The following TSEN15 variants were observed in gnomAD, a reference collection of about 807,000 sequenced individuals.
TSEN15 encodes tRNA-splicing endonuclease subunit Sen15.
A neutral mutation model predicts 20.5 loss-of-function variants in TSEN15; 10 were observed. The observed-to-expected ratio is 0.49, with a 90% CI of 0.30 to 0.83. TSEN15 has a LOEUF of 0.83. Ranked by LOEUF, TSEN15 falls within the 40% of genes least tolerant of loss-of-function variation. The pLI, the probability that TSEN15 is intolerant of heterozygous loss-of-function variation, is 0.06. For missense variants in TSEN15, 180 were observed against 218.6 expected (o/e 0.82, Z 1.11); for synonymous variants, 72 against 80.1 (o/e 0.90, Z 0.54).
At chr1:184,089,595 C>T (rs1322300292) in intron 3 of TSEN15, among the ~76,000 whole-genome samples, 1 of 151,930 alleles carries the variant, frequency 6.6e-6, no homozygotes, top group Non-Finnish European at 1.5e-5. Context: ...GGTGACTCCT[C>T]TAATAAGTGC....
chr1:184,080,349 G>A (rs1203802836), intron 3 of TSEN15, among the ~76,000 whole-genome samples: 2 of 152,164 alleles, frequency 1.3e-5, no homozygotes, highest in Non-Finnish European at 2.9e-5. Context: ...AATAGCTCCA[G>A]GTAGTAGCAA....
intron 3 of TSEN15, among the ~76,000 whole-genome samples, chr1:184,062,113 T>G (rs1334527996): frequency 1.3e-5 from 2 of 152,284 alleles, no homozygotes; most frequent in East Asian, 3.9e-4. Context: ...GATTATCTAG[T>G]GGGAAAATTT....
chr1:184,089,743 C>T (rs1371659332), intron 3 of TSEN15, among the ~76,000 whole-genome samples: 1 of 150,740 alleles, frequency 6.6e-6, no homozygotes, highest in Admixed American at 6.6e-5. Flanking sequence ...AAATCAAATG[C>T]AAGAAGGAAG....
rs756020600 is a variant in TSEN15 at position 184,054,801 on chromosome 1, A to G, written c.291A>G (p.Ile97Met). 1 of 1,612,266 alleles carries G rather than the reference A, an allele frequency of 6.2e-7. No homozygotes were observed. The highest frequency in any genetic ancestry group is 1.7e-5 in the Admixed American group (1 of 59,866). ...LQLICLVGTE[I>M]EGEGLQTVVP... is the part of the protein sequence containing the mutation. Reference sequence around the variant, plus strand: ...TCATCTGCCTTGTTGGTACTGAGATAGAAGGGGAGGGGTTACAGACTGTGG... The same window carrying G: ...TCATCTGCCTTGTTGGTACTGAGATGGAAGGGGAGGGGTTACAGACTGTGG... The change falls in exon 3 of 5, where the codon ATA (isoleucine) becomes ATG (methionine). Residue 97 changes from isoleucine (I) to methionine (M), a missense_variant. Ile to Met is a conservative substitution (Grantham distance 10). This residue lies in a region of TSEN15 where 76 missense variants were observed against 123.4 expected (regional missense o/e 0.62). Transcript: ENST00000645668.
chr1:184,055,803 ATAATG>A (rs58919762), intron 3 of TSEN15, among the ~76,000 whole-genome samples: 3,566 of 152,198 alleles, frequency 0.023, 132 homozygotes, highest in African/African-American at 0.081. Flanking sequence ...GTTATTTTTA[ATAATG>A]TAATAAGTAT....
rs149246500 is a variant in TSEN15 at position 184,057,268 on chromosome 1, G to A, written c.353+2405G>A. ...AGGATGGATTCAAGAGGATAGTGGA[G>A]GAGAGTAATATTGAGCATGTAAAGG... is the stretch of plus-strand genomic sequence containing the variant. On this transcript the variant is annotated intron_variant, in intron 3 of 4. Transcript: ENST00000645668. Among the ~76,000 whole-genome samples the A allele has an allele frequency of 3.1e-3, 469 of 152,202 alleles. 2 individuals are homozygous for A. Among genetic ancestry groups the A allele is most frequent in the African/African-American group, 7.3e-3 (305 of 41,556 alleles).
intron 3 of TSEN15, among the ~76,000 whole-genome samples, chr1:184,061,995 T>C (rs1235720085): frequency 6.6e-6 from 1 of 152,196 alleles, no homozygotes; most frequent in Non-Finnish European, 1.5e-5. Flanking sequence ...TTGTCATATT[T>C]TTCAAGTTTC....
At chr1:184,075,877 T>A (rs1290278362), downstream of TSEN15, among the ~76,000 whole-genome samples, 1 of 149,512 alleles carries the variant, frequency 6.7e-6, no homozygotes, top group Admixed American at 6.7e-5. Flanking sequence ...AGGGTAGGGG[T>A]AGATGGGGTG....
Position 184,067,909 on chromosome 1 carries a change from C to T in TSEN15, c.354-4248C>T, listed in dbSNP as rs181963717. Among the ~76,000 whole-genome samples the T allele has an allele frequency of 3.0e-3, 338 of 112,718 alleles. 1 individual carries two copies. Among genetic ancestry groups the T allele is most frequent in the African/African-American group, 8.0e-3 (217 of 27,032 alleles). The allele number at this position is 112,718 out of a possible 152,430, so 73.9% of individuals were successfully genotyped here. ...CTGTGCTCCAGTCTGGGTGACAGAG[C>T]GAGACTCTCTCTCTCAAAAAAAAAA... On this transcript the variant is annotated intron_variant, in intron 3 of 4. Coordinates refer to ENST00000645668, the MANE Select transcript of TSEN15 (RefSeq NM_052965.4).
chr1:184,081,440 G>A (rs1233579671), intron 3 of TSEN15, among the ~76,000 whole-genome samples: 14 of 152,182 alleles, frequency 9.2e-5, no homozygotes, highest in African/African-American at 3.4e-4. Context: ...TTAGGAAGCA[G>A]CCCATGTTAC....
chr1:184,082,065 A>G (rs911009425), intron 3 of TSEN15, among the ~76,000 whole-genome samples: 1 of 152,176 alleles, frequency 6.6e-6, no homozygotes. Context: ...GGCTGGGTTT[A>G]TGAAGAGCCT....
At chr1:184,072,459 AT>A in intron 4 of TSEN15, 161 bp downstream of exon 4, 1 of 704,252 alleles carries the variant, frequency 1.4e-6, no homozygotes. Flanking sequence ...AATTGGTTAT[AT>A]TTTGTTCAAA....
At chr1:184,093,550 T>A (rs1426393520) in intron 3 of TSEN15, 1 of 152,216 alleles carries the variant, frequency 6.6e-6, no homozygotes, top group Non-Finnish European at 1.5e-5. Flanking sequence ...AAATAGCAGC[T>A]ATTATTTTTT....
intron 3 of TSEN15, among the ~76,000 whole-genome samples, chr1:184,083,794 A>G (rs1004214231): frequency 1.3e-5 from 2 of 152,162 alleles, no homozygotes; most frequent in Non-Finnish European, 2.9e-5. Flanking sequence ...CCACAAAATG[A>G]AAGGAGTTGG....
chr1:184,078,678 G>T (rs1255342163), downstream of TSEN15, among the ~76,000 whole-genome samples: 1 of 152,142 alleles, frequency 6.6e-6, no homozygotes, highest in Non-Finnish European at 1.5e-5. Context: ...AAACACCATA[G>T]ATCTCTTGTA....
intron 3 of TSEN15, chr1:184,055,154 G>A: frequency 4.2e-6 from 1 of 238,268 alleles, no homozygotes; most frequent in Non-Finnish European, 8.1e-6. Context: ...GGCTTCTAGG[G>A]AGGCCTCAGG....
chr1:184,080,551 A>G (rs12408961), intron 3 of TSEN15, among the ~76,000 whole-genome samples: 17,166 of 152,252 alleles, frequency 0.11, 1,099 homozygotes, highest in Admixed American at 0.2. Flanking sequence ...CAATTACATT[A>G]TCCTCTGATA....
intron 3 of TSEN15, among the ~76,000 whole-genome samples, chr1:184,081,950 A>C (rs183754216): frequency 1.3e-5 from 2 of 152,268 alleles, no homozygotes; most frequent in East Asian, 3.9e-4. Flanking sequence ...TTTACTTCCT[A>C]AGAATGGAAA....
In TSEN15 at chr1:184,054,724, T is replaced by G; in HGVS notation, c.218-4T>G. ...TTATTGTCCATTCAATGATGCTCTT[T>G]CAGGCAAAAGCTGGCATGAAGTAAA... On this transcript the variant is annotated splice_polypyrimidine_tract_variant and splice_region_variant and intron_variant, in intron 2 of 4. Coordinates refer to ENST00000645668, the MANE Select transcript of TSEN15 (RefSeq NM_052965.4). 6.2e-7 allele frequency: 1 copy of G among 1,610,742 alleles called. No homozygotes were observed. The highest frequency in any genetic ancestry group is 8.5e-7 in the Non-Finnish European group (1 of 1,179,392).
Sources: gnomAD v4.1 joint callset for allele counts (sites outside exome capture counted in the v4.1 genomes callset) on GRCh38, gnomAD v4.1.1 for gene constraint, gnomAD v4.1.1 regional missense constraint, MANE v1.5 for transcripts, NCBI Gene and HGNC (gene_info 2026-07-23, HGNC 2026-07-21) for gene names.